STX7: variants seen among roughly 807,000 people sequenced by gnomAD.
STX7 encodes syntaxin 7, also known as syntaxin-7.
In STX7, 34 loss-of-function variants were observed where a neutral mutation model predicts 39.6. The observed-to-expected ratio is 0.86, with a 90% CI of 0.65 to 1.14. The LOEUF (loss-of-function observed/expected upper bound fraction) is 1.14, where lower values mean the gene tolerates loss of function less well. STX7 is among the 50% of genes most tolerant of loss of function. The probability of loss-of-function intolerance (pLI) is 0.00; values close to 1 mark genes in which losing one functional copy is unlikely to be tolerated. For synonymous variants in STX7, 119 were observed against 99.1 expected, an observed-to-expected ratio of 1.20 and a Z score of -1.19; for missense variants, 284 against 310.4, an observed-to-expected ratio of 0.92 and a Z score of 0.64.
At chr6:132,468,571 G>T in intron 7 of STX7, 96 bp from the exon 8 acceptor site, 1 of 739,576 alleles carries the variant, frequency 1.4e-6, no homozygotes, top group Non-Finnish European at 2.3e-6. Context: ...ACTCACACAT[G>T]GGTGAGCATG....
At chr6:132,505,115 A>G (rs1775665156) in intron 1 of STX7, among the ~76,000 whole-genome samples, 1 of 152,208 alleles carries the variant, frequency 6.6e-6, no homozygotes, top group Admixed American at 6.5e-5. Flanking sequence ...AACCTCCTTC[A>G]ATTAAGTGGC....
intron 1 of STX7, among the ~76,000 whole-genome samples, chr6:132,508,641 C>T (rs1775766085): frequency 6.6e-6 from 1 of 152,142 alleles, no homozygotes; most frequent in South Asian, 2.1e-4. Flanking sequence ...TCCCGAGTAG[C>T]TGGGTCCACA....
intron 2 of STX7, among the ~76,000 whole-genome samples, chr6:132,490,611 A>G (rs925176713): frequency 6.6e-6 from 1 of 152,176 alleles, no homozygotes; most frequent in Non-Finnish European, 1.5e-5. Flanking sequence ...GCAGGTCCTG[A>G]GCAGGAAGCC....
At chr6:132,476,423 G>T (rs1316502094) in intron 2 of STX7, among the ~76,000 whole-genome samples, 2 of 152,008 alleles carry the variant, frequency 1.3e-5, no homozygotes, top group African/African-American at 4.8e-5. Context: ...ACTTGCCTGG[G>T]CATTTAAAGA....
chr6:132,505,739 T>TAAAAAAA lies in STX7; in HGVS notation c.-58-2158_-58-2152dup, dbSNP rs368964430. Among the ~76,000 whole-genome samples, 27 of 60,404 alleles carry TAAAAAAA rather than the reference T, an allele frequency of 4.5e-4. 1 individual carries two copies. The highest frequency in any genetic ancestry group is 1.3e-3 in the African/African-American group (20 of 15,978). The allele number at this position is 60,404 out of a possible 152,430, so 39.6% of individuals were successfully genotyped here. A position where few individuals can be genotyped will look rare whatever the true frequency, so the allele number is the denominator to read the frequency against. On this transcript the variant is annotated intron_variant, in intron 1 of 9. Coordinates refer to ENST00000367941, the MANE Select transcript of STX7 (RefSeq NM_003569.3). ...ATTTTAAATGCATCTCCAAGTCACT[T>TAAAAAAA]AAAAAAAAAAAAAAAAAAAAAAAAA...
At chr6:132,481,696 G>A (rs1775018931) in intron 2 of STX7, among the ~76,000 whole-genome samples, 1 of 151,858 alleles carries the variant, frequency 6.6e-6, no homozygotes, top group Non-Finnish European at 1.5e-5. Context: ...GGAAGACAAG[G>A]CCCCCTACAC....
At chr6:132,473,189 A>G (rs1434868138) in intron 3 of STX7, among the ~76,000 whole-genome samples, 1 of 152,168 alleles carries the variant, frequency 6.6e-6, no homozygotes, top group Non-Finnish European at 1.5e-5. Context: ...GAAAGAGGCA[A>G]TATTGGTACA....
rs1483804721 is a variant in STX7 at position 132,458,725 on chromosome 6, T to A, written c.*2033A>T. On this transcript the variant is annotated 3_prime_UTR_variant, in exon 10 of 10. Transcript: ENST00000367941. ...TTTAATTTTCTCTAATCAATACTAC[T>A]CTTACGTTCCAAATATTTCATGGGA... The A allele has an allele frequency of 1.3e-5, 2 of 152,224 alleles. No homozygotes were observed. The highest frequency in any genetic ancestry group is 2.4e-5 in the African/African-American group (1 of 41,470). 9.4% of individuals were successfully genotyped at this position (152,224 alleles called of 1,614,324 possible). A position where few individuals can be genotyped will look rare whatever the true frequency, so the allele number is the denominator to read the frequency against.
At chr6:132,510,599 A>T (rs1311898973) in intron 1 of STX7, among the ~76,000 whole-genome samples, 1 of 152,252 alleles carries the variant, frequency 6.6e-6, no homozygotes, top group African/African-American at 2.4e-5. Context: ...TTCCTCAGTC[A>T]CACTAGACAC....
Position 132,456,520 on chromosome 6 carries a change from T to A in STX7, c.*4238A>T, listed in dbSNP as rs1387988898. The A allele has an allele frequency of 6.6e-6, 1 of 152,176 alleles. No homozygotes were observed. Among genetic ancestry groups the A allele is most frequent in the Non-Finnish European group, 1.5e-5 (1 of 68,044 alleles). The allele number at this position is 152,176 out of a possible 1,614,324, so 9.4% of individuals were successfully genotyped here. ...CCAAATAAGTGCCAAATTAAGTATTTATTAAGCAACTACTACGGGAGGGAA... is the reference window on the plus strand; with the variant it reads ...CCAAATAAGTGCCAAATTAAGTATTAATTAAGCAACTACTACGGGAGGGAA... On this transcript the variant is annotated 3_prime_UTR_variant, in exon 10 of 10. Coordinates refer to ENST00000367941, the MANE Select transcript of STX7 (RefSeq NM_003569.3).
intron 1 of STX7, among the ~76,000 whole-genome samples, chr6:132,504,759 G>A (rs935543507): frequency 6.6e-6 from 1 of 152,156 alleles, no homozygotes; most frequent in African/African-American, 2.4e-5. Context: ...AAAAGATCAC[G>A]TGCTAGGCTA....
intron 1 of STX7, among the ~76,000 whole-genome samples, chr6:132,510,344 T>A (rs1473510718): frequency 1.3e-5 from 2 of 152,204 alleles, no homozygotes; most frequent in African/African-American, 4.8e-5. Context: ...ATCACATGTA[T>A]CCACAAATAT....
At chr6:132,488,403 T>C (rs1582668873) in intron 2 of STX7, among the ~76,000 whole-genome samples, 2 of 152,236 alleles carry the variant, frequency 1.3e-5, no homozygotes, top group Admixed American at 1.3e-4. Flanking sequence ...ACCATCAAGG[T>C]GATTAGTACT....
chr6:132,480,203 C>T (rs772620592), intron 2 of STX7, among the ~76,000 whole-genome samples: 12 of 152,152 alleles, frequency 7.9e-5, no homozygotes, highest in Admixed American at 2.0e-4. Flanking sequence ...GTTCCAAGGA[C>T]AATGGGATTC....
intron 1 of STX7, 117 bp from the exon 2 acceptor site, chr6:132,503,705 T>C (rs1775634312): frequency 2.3e-6 from 1 of 438,388 alleles, no homozygotes; most frequent in South Asian, 3.9e-5. Context: ...AGTTGAAATC[T>C]GGCAAAGTGA....
intron 2 of STX7, among the ~76,000 whole-genome samples, chr6:132,484,607 A>G (rs1009631002): frequency 6.6e-6 from 1 of 152,208 alleles, no homozygotes; most frequent in South Asian, 2.1e-4. Context: ...AGCAGAAAAC[A>G]TCTGTTTTCA....
At position 132,453,467 on chromosome 6, in the gene STX7, C is replaced by T. The variant is rs1455349536; in HGVS notation, c.*7291G>A. On this transcript the variant is annotated 3_prime_UTR_variant, in exon 10 of 10. Transcript: ENST00000367941. ...AAAAGAGAAATGAAAAGACATGCTA[C>T]TGACTGGGAGGAAATATTTGCAAAT... is the stretch of plus-strand genomic sequence containing the variant. 1 of 151,674 alleles carries T rather than the reference C, an allele frequency of 6.6e-6. No individual in the cohort carries two copies. Among genetic ancestry groups the T allele is most frequent in the Non-Finnish European group, 1.5e-5 (1 of 67,878 alleles). 9.4% of individuals were successfully genotyped at this position (151,674 alleles called of 1,614,324 possible).
Position 132,453,121 on chromosome 6 carries a change from GT to G in STX7, c.*7636del, listed in dbSNP as rs930423153. The stretch of plus-strand genomic sequence containing the variant: ...TTTGCTCAACTGATTTTTGACAGAG[GT>G]GCAAAAACAATTCAATGGACAAAAA... On this transcript the variant is annotated 3_prime_UTR_variant, in exon 10 of 10. Transcript: ENST00000367941. 1.3e-5 allele frequency: 2 copies of G among 152,020 alleles called. No homozygotes were observed. Among genetic ancestry groups the G allele is most frequent in the African/African-American group, 4.8e-5 (2 of 41,426 alleles). 9.4% of individuals were successfully genotyped at this position (152,020 alleles called of 1,614,324 possible).
intron 2 of STX7, among the ~76,000 whole-genome samples, chr6:132,485,858 A>G (rs1775120556): frequency 6.6e-6 from 1 of 152,214 alleles, no homozygotes; most frequent in African/African-American, 2.4e-5. Flanking sequence ...TGATCAAGGT[A>G]TATCTTCCCA....
Sources: allele counts gnomAD v4.1 joint callset (sites outside exome capture counted in the v4.1 genomes callset), GRCh38; gene constraint gnomAD v4.1.1; transcripts MANE v1.5; gene names NCBI Gene and HGNC (gene_info 2026-07-23, HGNC 2026-07-21).